The following KCNN2 variants were observed in gnomAD, a reference collection of about 807,000 sequenced individuals.
KCNN2 encodes potassium calcium-activated channel subfamily N member 2.
A neutral mutation model predicts 55.5 loss-of-function variants in KCNN2; 24 were observed. That is an observed-to-expected ratio of 0.43 (90% CI 0.31 to 0.61). The LOEUF (loss-of-function observed/expected upper bound fraction) is 0.61, where lower values mean the gene tolerates loss of function less well. KCNN2 is among the 20% of genes least tolerant of loss of function. The pLI is 0.08. For synonymous variants in KCNN2, 431 were observed against 336.1 expected (o/e 1.28, Z -3.09); for missense variants, 754 against 853.6 (o/e 0.88, Z 1.45).
chr5:114,060,022 G>A (rs1424464172), intron 1 of KCNN2, among the ~76,000 whole-genome samples: 1 of 152,208 alleles, frequency 6.6e-6, no homozygotes, highest in Non-Finnish European at 1.5e-5. Flanking sequence ...GGCACTGGCC[G>A]AAACAGTCCC....
At chr5:114,164,218 A>T (rs1580578217) in intron 1 of KCNN2, among the ~76,000 whole-genome samples, 3 of 152,234 alleles carry the variant, frequency 2.0e-5, no homozygotes, top group Admixed American at 2.0e-4. Context: ...AAGAATTACC[A>T]TTAGTCAGGA....
intron 2 of KCNN2, among the ~76,000 whole-genome samples, chr5:114,229,841 T>C (rs1754319946): frequency 3.3e-5 from 5 of 152,108 alleles, no homozygotes; most frequent in Admixed American, 3.3e-4. Context: ...GTCTCCAGTT[T>C]AGAGCCAGAA....
At chr5:114,421,029 T>G (rs1759457173) in intron 3 of KCNN2, among the ~76,000 whole-genome samples, 4 of 152,226 alleles carry the variant, frequency 2.6e-5, no homozygotes, top group Admixed American at 2.0e-4. Context: ...CAAAACAAGT[T>G]GATTTCTTGA....
chr5:114,376,212 T>G lies in KCNN2; in HGVS notation c.1218+12211T>G, dbSNP rs76510288. The stretch of plus-strand genomic sequence containing the variant: ...TTCAGTGGCAGCTATTTAGGAATAA[T>G]GTATCCATCAAATGTGTCTTATACA... On this transcript the variant is annotated intron_variant, in intron 2 of 7. Transcript: ENST00000673685. Among the ~76,000 whole-genome samples, 101 of 152,162 alleles carry G rather than the reference T, an allele frequency of 6.6e-4. 2 individuals are homozygous for G. The East Asian group carries it at 0.014, about 22-fold the overall frequency.
intron 2 of KCNN2, among the ~76,000 whole-genome samples, chr5:114,261,657 G>T (rs1290781802): frequency 6.6e-6 from 1 of 152,182 alleles, no homozygotes; most frequent in Non-Finnish European, 1.5e-5. Flanking sequence ...TATTAATCAT[G>T]AGGTTGTGGG....
intron 2 of KCNN2, among the ~76,000 whole-genome samples, chr5:114,397,749 A>G (rs1007755969): frequency 6.6e-6 from 1 of 152,092 alleles, no homozygotes; most frequent in East Asian, 1.9e-4. Flanking sequence ...ATAGTATCTC[A>G]TTGTGGTTTC....
At chr5:114,201,795 G>C (rs1753677583) in intron 1 of KCNN2, among the ~76,000 whole-genome samples, 1 of 151,670 alleles carries the variant, frequency 6.6e-6, no homozygotes, top group Admixed American at 6.6e-5. Flanking sequence ...CATGGCTGTG[G>C]GTCTTGTCCT....
chr5:114,165,377 C>G (rs1355437732), intron 1 of KCNN2, among the ~76,000 whole-genome samples: 1 of 152,104 alleles, frequency 6.6e-6, no homozygotes, highest in African/African-American at 2.4e-5. Context: ...CATATTTTCT[C>G]TTCCTTATGA....
At chr5:114,372,407 A>G (rs973175759) in intron 2 of KCNN2, among the ~76,000 whole-genome samples, 2 of 152,186 alleles carry the variant, frequency 1.3e-5, no homozygotes, top group African/African-American at 2.4e-5. Flanking sequence ...TTTGTGTACA[A>G]GAATTTTATG....
intron 1 of KCNN2, among the ~76,000 whole-genome samples, chr5:114,189,034 T>C (rs1427868515): frequency 1.3e-5 from 2 of 152,060 alleles, no homozygotes; most frequent in African/African-American, 4.8e-5. Context: ...AATCAGGAAG[T>C]GATACAAAGT....
intron 1 of KCNN2, among the ~76,000 whole-genome samples, chr5:114,165,883 G>T (rs1057158907): frequency 2.6e-5 from 4 of 151,984 alleles, no homozygotes. Context: ...TAACTGTGTG[G>T]GGGTTGGCGT....
intron 1 of KCNN2, among the ~76,000 whole-genome samples, chr5:114,149,351 AGATATTGCAG>A (rs1190662042): frequency 1.3e-5 from 2 of 152,286 alleles, no homozygotes; most frequent in African/African-American, 4.8e-5. Flanking sequence ...ATTGGGTGCC[AGATATTGCAG>A]GATCTGGCCA....
chr5:114,198,450 A>G (rs1753604112), intron 1 of KCNN2, among the ~76,000 whole-genome samples: 1 of 100,100 alleles, frequency 1.0e-5, no homozygotes, highest in Non-Finnish European at 2.3e-5. Flanking sequence ...ATGTGTTTAC[A>G]TATATATACA....
intron 3 of KCNN2, among the ~76,000 whole-genome samples, chr5:114,409,589 A>G (rs1759060061): frequency 6.6e-6 from 1 of 152,168 alleles, no homozygotes; most frequent in Admixed American, 6.5e-5. Context: ...AGAAATTTTT[A>G]TTTTTAGTTA....
intron 1 of KCNN2, among the ~76,000 whole-genome samples, chr5:114,102,445 A>T (rs1192698239): frequency 6.6e-6 from 1 of 151,956 alleles, no homozygotes; most frequent in Non-Finnish European, 1.5e-5. Flanking sequence ...GTTTAATTAG[A>T]TCCCTTTTGT....
At chr5:114,273,471 C>T (rs1755414657) in intron 2 of KCNN2, among the ~76,000 whole-genome samples, 1 of 152,134 alleles carries the variant, frequency 6.6e-6, no homozygotes, top group Non-Finnish European at 1.5e-5. Flanking sequence ...AACTAATTTA[C>T]ACTCCTACCA....
chr5:114,363,766 C>G lies in KCNN2; in HGVS notation c.1123-140C>G, dbSNP rs533655677. 1.5e-4 allele frequency: 97 copies of G among 626,402 alleles called. No homozygotes were observed. The East Asian group carries it at 2.6e-3, about 17-fold the overall frequency. The allele number at this position is 626,402 out of a possible 1,614,324, so 38.8% of individuals were successfully genotyped here. A position where few individuals can be genotyped will look rare whatever the true frequency, so the allele number is the denominator to read the frequency against. ...CGAGTGATCTGACAGATCACAGAGC[C>G]AAGACAGGTGCACCCCTCTCCCCTT... On this transcript the variant is annotated intron_variant, in intron 1 of 7. Transcript: ENST00000673685.
chr5:114,078,606 A>G (rs1048445376), intron 1 of KCNN2, among the ~76,000 whole-genome samples: 5 of 152,198 alleles, frequency 3.3e-5, no homozygotes, highest in Admixed American at 6.5e-5. Context: ...GTGGGATTTC[A>G]TAGAAGAGAA....
intron 1 of KCNN2, among the ~76,000 whole-genome samples, chr5:114,069,828 T>A (rs1422567575): frequency 6.6e-6 from 1 of 152,174 alleles, no homozygotes; most frequent in Non-Finnish European, 1.5e-5. Context: ...TAATCTCAGC[T>A]AAAGGTTAGA....
Sources: allele counts gnomAD v4.1 joint callset (sites outside exome capture counted in the v4.1 genomes callset), GRCh38; gene constraint gnomAD v4.1.1; transcripts MANE v1.5; gene names NCBI Gene and HGNC (gene_info 2026-07-23, HGNC 2026-07-21).